Variants in LTBP1 observed in about 807,000 individuals in gnomAD.
LTBP1 encodes latent transforming growth factor beta binding protein 1, also known as latent-transforming growth factor beta-binding protein 1.
A neutral mutation model predicts 207.6 loss-of-function variants in LTBP1; 129 were observed. The observed-to-expected ratio is 0.62, with a 90% confidence interval of 0.54 to 0.72. The LOEUF (loss-of-function observed/expected upper bound fraction) is 0.72. Among genes scored for constraint, LTBP1 ranks in the 30% least tolerant of loss-of-function variants. The pLI is 0.00. For missense variants in LTBP1, 2,281 were observed against 2,217.2 expected, an observed-to-expected ratio of 1.03 and a Z score of -0.58; for synonymous variants, 963 against 833.7, an observed-to-expected ratio of 1.16 and a Z score of -2.67.
intron 7 of LTBP1, among the ~76,000 whole-genome samples, chr2:33,217,066 C>T (rs781380370): frequency 2.0e-5 from 3 of 152,156 alleles, no homozygotes; most frequent in African/African-American, 4.8e-5. Flanking sequence ...CCTGTCTGTG[C>T]CCAGGCCTTG....
At chr2:33,277,783 T>C (rs979302878) in intron 18 of LTBP1, among the ~76,000 whole-genome samples, 7 of 76,736 alleles carry the variant, frequency 9.1e-5, no homozygotes, top group Admixed American at 3.8e-4. Flanking sequence ...CTTTCTTTCT[T>C]TCTTTCTTTC....
rs2094661522 is a variant in LTBP1 at position 33,343,654 on chromosome 2, A to C, written c.3856+691A>C. Among the ~76,000 whole-genome samples, 3 of 152,144 alleles carry C rather than the reference A, an allele frequency of 2.0e-5. No individual in the cohort carries two copies. The South Asian group carries it at 6.2e-4, about 32-fold the overall frequency. On this transcript the variant is annotated intron_variant, in intron 25 of 33. Coordinates refer to ENST00000404816, the MANE Select transcript of LTBP1 (RefSeq NM_206943.4). ...AAGGCAAAGTATTGCCAGGAGCTTC[A>C]GTGTCCAGGAATGATACCTGTAAAA...
At chr2:33,135,391 T>C (rs148756715) in intron 5 of LTBP1, among the ~76,000 whole-genome samples, 1,610 of 152,308 alleles carry the variant, frequency 0.011, 12 homozygotes, top group African/African-American at 0.011. Context: ...ACTTCAAAAA[T>C]AGCCAAGCTC....
At chr2:33,325,892 T>G (rs1007968411) in intron 24 of LTBP1, among the ~76,000 whole-genome samples, 1 of 152,202 alleles carries the variant, frequency 6.6e-6, no homozygotes, top group Admixed American at 6.5e-5. Flanking sequence ...TTTAAAAATT[T>G]TAGAAGTATT....
chr2:33,156,781 T>C (rs1403879888), intron 5 of LTBP1, among the ~76,000 whole-genome samples: 2 of 152,226 alleles, frequency 1.3e-5, no homozygotes, highest in Non-Finnish European at 2.9e-5. Context: ...ATACTTAATT[T>C]CTTGAGTATA....
intron 19 of LTBP1, among the ~76,000 whole-genome samples, chr2:33,285,427 A>T (rs1410372890): frequency 1.4e-5 from 2 of 146,706 alleles, no homozygotes; most frequent in African/African-American, 2.5e-5. Context: ...TCATTGGAGC[A>T]TTCTCTTTTC....
intron 4 of LTBP1, among the ~76,000 whole-genome samples, chr2:33,130,537 AT>A (rs2081715926): frequency 6.6e-6 from 1 of 152,258 alleles, no homozygotes; most frequent in East Asian, 1.9e-4. Flanking sequence ...CAGTTTTCAC[AT>A]TTTTATATTT....
intron 2 of LTBP1, among the ~76,000 whole-genome samples, chr2:33,010,223 T>G (rs1687483361): frequency 6.6e-6 from 1 of 152,178 alleles, no homozygotes; most frequent in African/African-American, 2.4e-5. Context: ...ACTGATGACT[T>G]GGACAAGAAC....
At chr2:33,391,840 G>A (rs1188844445) in intron 32 of LTBP1, among the ~76,000 whole-genome samples, 1 of 152,108 alleles carries the variant, frequency 6.6e-6, no homozygotes, top group Non-Finnish European at 1.5e-5. Context: ...AAATAAACAT[G>A]TTGGTGTCAC....
At chr2:33,393,234 C>CTTTT (rs569734292) in intron 32 of LTBP1, among the ~76,000 whole-genome samples, 43 of 48,740 alleles carry the variant, frequency 8.8e-4, no homozygotes, top group East Asian at 3.0e-3. Context: ...CCTTCTTCTT[C>CTTTT]TTTTTTTTTT....
chr2:32,947,647 C>G lies in LTBP1; in HGVS notation c.323C>G (p.Pro108Arg), dbSNP rs975188395. 1 of 1,398,970 alleles carries G rather than the reference C, an allele frequency of 7.1e-7. No individual in the cohort carries two copies. The highest frequency in any genetic ancestry group is 9.3e-7 in the Non-Finnish European group (1 of 1,074,696). 86.7% of individuals were successfully genotyped at this position (1,398,970 alleles called of 1,614,324 possible). A position where few individuals can be genotyped will look rare whatever the true frequency, so the allele number is the denominator to read the frequency against. ...LRPPPPPPPE[P>R]ARPAVPGGQL... ...CCGCCGCCGCCGCCGCCGCCGGAGCCTGCGCGTCCCGCGGTCCCCGGCGGG... is the reference window on the plus strand; with the variant it reads ...CCGCCGCCGCCGCCGCCGCCGGAGCGTGCGCGTCCCGCGGTCCCCGGCGGG... The change falls in exon 1 of 34, where the codon CCT (proline) becomes CGT (arginine). Residue 108 changes from proline (P) to arginine (R), a missense_variant. Coordinates refer to ENST00000404816, the MANE Select transcript of LTBP1 (RefSeq NM_206943.4).
intron 9 of LTBP1, among the ~76,000 whole-genome samples, chr2:33,231,310 A>G (rs1313892081): frequency 2.6e-5 from 4 of 152,232 alleles, no homozygotes. Flanking sequence ...AAACCGATAC[A>G]TTGAGGCACA....
chr2:32,974,973 A>C lies in LTBP1; in HGVS notation c.565+26028A>C, dbSNP rs150430989. ...ATTTTGTAGTTGCTTTATAGTGTCA[A>C]TAGTCTGTGTACTTAAGTGTGTTTT... On this transcript the variant is annotated intron_variant, in intron 2 of 33. Transcript: ENST00000404816. Among the ~76,000 whole-genome samples the C allele has an allele frequency of 3.7e-3, 565 of 152,304 alleles. 5 individuals are homozygous for C. Among genetic ancestry groups the C allele is most frequent in the African/African-American group, 0.013 (542 of 41,554 alleles).
At chr2:33,045,555 C>T (rs1469678604) in intron 3 of LTBP1, among the ~76,000 whole-genome samples, 2 of 151,908 alleles carry the variant, frequency 1.3e-5, no homozygotes, top group Non-Finnish European at 2.9e-5. Context: ...ATGATGCCTC[C>T]AGCTTTGTTC....
chr2:33,002,042 C>A (rs1392185540), intron 2 of LTBP1, among the ~76,000 whole-genome samples: 4 of 134,282 alleles, frequency 3.0e-5, no homozygotes, highest in Non-Finnish European at 6.5e-5. Flanking sequence ...AGGTCAGAGG[C>A]CTTCAAAGCT....
intron 5 of LTBP1, among the ~76,000 whole-genome samples, chr2:33,150,641 C>A (rs1253037661): frequency 6.8e-6 from 1 of 147,686 alleles, no homozygotes; most frequent in Non-Finnish European, 1.5e-5. Flanking sequence ...TAGAGACTTA[C>A]TATTTGTCCT....
intron 2 of LTBP1, among the ~76,000 whole-genome samples, chr2:32,981,032 T>C (rs536995669): frequency 6.6e-6 from 1 of 152,332 alleles, no homozygotes; most frequent in South Asian, 2.1e-4. Flanking sequence ...TTTGGGAATT[T>C]GATTATTCAA....
rs1433152223 is a variant in LTBP1, at chr2:33,182,697, TATACAC to T, written c.1202-4157_1202-4152del. On this transcript the variant is annotated intron_variant, in intron 5 of 33. Coordinates refer to ENST00000404816, the MANE Select transcript of LTBP1 (RefSeq NM_206943.4). ...AGAAGAAAAGATGGTGATATATATA[TATACAC>T]ACACACACACACACACACACACACA... Among the ~76,000 whole-genome samples the T allele has an allele frequency of 4.7e-4, 41 of 87,874 alleles. 9 individuals carry two copies. Among genetic ancestry groups the T allele is most frequent in the Middle Eastern group, 5.5e-3 (1 of 182 alleles). The allele number at this position is 87,874 out of a possible 152,430, so 57.6% of individuals were successfully genotyped here.
chr2:33,317,002 C>A (rs10865092), intron 24 of LTBP1, among the ~76,000 whole-genome samples: 152,341 of 152,342 alleles, frequency 1, 76,170 homozygotes, highest in Non-Finnish European at 1. Flanking sequence ...TCAAGTGCTC[C>A]CTAGTCAAAG....
Sources: gnomAD v4.1 joint callset for allele counts (sites outside exome capture counted in the v4.1 genomes callset) on GRCh38, gnomAD v4.1.1 for gene constraint, MANE v1.5 for transcripts, NCBI Gene and HGNC (gene_info 2026-07-23, HGNC 2026-07-21) for gene names.